ANO1: variants seen among roughly 807,000 people sequenced by gnomAD.
The protein encoded by ANO1 is anoctamin-1.
In ANO1, 59 loss-of-function variants were observed where a neutral mutation model predicts 124.0. That is an observed-to-expected ratio of 0.48 (90% CI 0.39 to 0.59). The LOEUF (loss-of-function observed/expected upper bound fraction) is 0.59, where lower values mean the gene tolerates loss of function less well. Among genes scored for constraint, ANO1 ranks in the 20% least tolerant of loss-of-function variants. The pLI is 0.00. For missense variants in ANO1, 1,059 were observed against 1,328.0 expected (o/e 0.80, Z 3.15); for synonymous variants, 529 against 532.0 (o/e 0.99, Z 0.08).
intron 1 of ANO1, among the ~76,000 whole-genome samples, chr11:70,052,746 G>C: frequency 6.6e-6 from 1 of 151,254 alleles, no homozygotes; most frequent in South Asian, 2.1e-4. Flanking sequence ...GTAGAGACAG[G>C]GTTTCACCAT....
In ANO1 at chr11:70,149,949, G is replaced by A. The variant is rs186679338; in HGVS notation, c.1341+157G>A. On this transcript the variant is annotated intron_variant, in intron 12 of 25. Transcript: ENST00000355303. ...CCATCCCCCACCCCCTGCCTGCCTC[G>A]CCACTCAACACCCTGGCGTTCCGAA... 3.7e-4 allele frequency: 278 copies of A among 751,196 alleles called. 1 individual carries two copies. The highest frequency in any genetic ancestry group is 2.2e-3 in the African/African-American group (129 of 57,970). 46.5% of individuals were successfully genotyped at this position (751,196 alleles called of 1,614,324 possible). A position where few individuals can be genotyped will look rare whatever the true frequency, so the allele number is the denominator to read the frequency against.
the ANO1 span, among the ~76,000 whole-genome samples, chr11:69,973,507 A>C: frequency 2.0e-5 from 3 of 152,148 alleles, no homozygotes; most frequent in African/African-American, 7.2e-5. Flanking sequence ...CTCGGGCTCT[A>C]GGGAGTTATC....
chr11:70,062,558 G>T (rs3924196), intron 1 of ANO1, among the ~76,000 whole-genome samples: 2,845 of 152,290 alleles, frequency 0.019, 87 homozygotes, highest in African/African-American at 0.066. Context: ...GGGGTGAGCT[G>T]GGGGAGGGTT....
In ANO1 at chr11:70,088,968, G is replaced by T. The variant is rs562760814; in HGVS notation, c.441+884G>T. On this transcript the variant is annotated intron_variant, in intron 2 of 25. Transcript: ENST00000355303. ...AGAGAACAAAAGGTCGACCCCCCTC[G>T]AGTGCCTGGCTGCTGCGGGGCCGAG... Among the ~76,000 whole-genome samples, 10 of 152,334 alleles carry T rather than the reference G, an allele frequency of 6.6e-5. No individual in the cohort carries two copies. The South Asian group carries it at 2.1e-3, about 32-fold the overall frequency.
At chr11:70,079,991 CGGA>C (rs1565178808) in intron 1 of ANO1, among the ~76,000 whole-genome samples, 3 of 152,202 alleles carry the variant, frequency 2.0e-5, no homozygotes, top group African/African-American at 7.2e-5. Flanking sequence ...CAGGACTGGC[CGGA>C]GGAGCTCAGG....
At chr11:70,045,814 G>A (rs1413636478) in intron 1 of ANO1, among the ~76,000 whole-genome samples, 4 of 152,190 alleles carry the variant, frequency 2.6e-5, no homozygotes, top group Non-Finnish European at 5.9e-5. Flanking sequence ...GTGTGAGATG[G>A]AATGGACTCA....
At chr11:70,019,889 G>C (rs1157304511) in intron 1 of ANO1, among the ~76,000 whole-genome samples, 1 of 152,234 alleles carries the variant, frequency 6.6e-6, no homozygotes, top group African/African-American at 2.4e-5. Context: ...TCATCTTCCT[G>C]GCTTCACCGG....
At position 70,036,529 on chromosome 11, in the gene ANO1, C is replaced by T. The variant is rs1311043717; in HGVS notation, c.59-42013C>T. On this transcript the variant is annotated intron_variant, in intron 1 of 27. Transcript: ENST00000531349. ...GACTCTTCCTCCTTGACAATAAAGA[C>T]AAAAAGGGCTGAGGACCCTCTCTCT... Among the ~76,000 whole-genome samples the T allele has an allele frequency of 4.6e-5, 7 of 152,132 alleles. No homozygotes were observed. The East Asian group carries it at 1.3e-3, about 29-fold the overall frequency.
intron 1 of ANO1, among the ~76,000 whole-genome samples, chr11:69,992,056 G>C (rs746660759): frequency 1.3e-5 from 2 of 152,208 alleles, no homozygotes; most frequent in Non-Finnish European, 2.9e-5. Flanking sequence ...TTGGTGGCAA[G>C]AAAAAAGTCT....
intron 14 of ANO1, 116 bp downstream of exon 14, chr11:70,153,244 C>T (rs909846789): frequency 1.1e-5 from 11 of 956,612 alleles, no homozygotes; most frequent in Admixed American, 2.2e-5. Context: ...CCCCGTGTTG[C>T]GGCTGCTCAA....
chr11:70,110,361 T>C (rs1018617030), intron 6 of ANO1, among the ~76,000 whole-genome samples: 1 of 151,994 alleles, frequency 6.6e-6, no homozygotes, highest in Non-Finnish European at 1.5e-5. Context: ...TAATTGTTTG[T>C]ATTTTTAGTA....
chr11:69,996,522 G>A (rs560690893), intron 1 of ANO1, among the ~76,000 whole-genome samples: 1 of 152,162 alleles, frequency 6.6e-6, no homozygotes, highest in Non-Finnish European at 1.5e-5. Context: ...ACAGTCATTG[G>A]AACAGGTGTT....
chr11:70,147,904 A>G (rs1260073908), intron 11 of ANO1, among the ~76,000 whole-genome samples: 2 of 151,716 alleles, frequency 1.3e-5, no homozygotes, highest in African/African-American at 4.8e-5. Context: ...CAGCTTTTCC[A>G]TTGCCTGTGC....
chr11:70,111,610 C>T (rs2045782475), intron 6 of ANO1, 97 bp from the exon 7 acceptor site: 2 of 1,202,178 alleles, frequency 1.7e-6, no homozygotes, highest in Non-Finnish European at 2.5e-6. Context: ...TTGAGAAGCT[C>T]TTAGTGGCTG....
chr11:70,024,078 T>A (rs1322919124), intron 1 of ANO1, among the ~76,000 whole-genome samples: 1 of 152,212 alleles, frequency 6.6e-6, no homozygotes, highest in Admixed American at 6.5e-5. Flanking sequence ...GTTCTTTGGG[T>A]TGGGTCCACC....
At chr11:70,172,825 G>A (rs897491730) in intron 22 of ANO1, among the ~76,000 whole-genome samples, 23 of 151,554 alleles carry the variant, frequency 1.5e-4, no homozygotes, top group Admixed American at 1.1e-3. Context: ...GAGATCATGC[G>A]ATTGCACTTC....
At chr11:70,177,607 T>C (rs1471260185) in intron 22 of ANO1, among the ~76,000 whole-genome samples, 1 of 139,942 alleles carries the variant, frequency 7.1e-6, no homozygotes, top group Non-Finnish European at 1.6e-5. Context: ...TTTTTTTTTT[T>C]TTTTTTTTTT....
At chr11:70,039,543 C>G (rs906948268) in intron 1 of ANO1, among the ~76,000 whole-genome samples, 3 of 149,834 alleles carry the variant, frequency 2.0e-5, no homozygotes, top group African/African-American at 7.4e-5. Context: ...ACCATCTTCC[C>G]CCTTTTCTAG....
At chr11:69,975,254 CT>C in the ANO1 span, among the ~76,000 whole-genome samples, 1 of 152,238 alleles carries the variant, frequency 6.6e-6, no homozygotes. Context: ...TCCCTACCCC[CT>C]CCCCACAGTG....
Sources: gnomAD v4.1 joint callset for allele counts (sites outside exome capture counted in the v4.1 genomes callset) on GRCh38, gnomAD v4.1.1 for gene constraint, MANE v1.5 for transcripts, NCBI Gene and HGNC (gene_info 2026-07-23, HGNC 2026-07-21) for gene names.